RFTN1: variants seen among roughly 807,000 people sequenced by gnomAD.
The protein encoded by RFTN1 is raftlin, lipid raft linker 1.
A neutral mutation model predicts 46.5 loss-of-function variants in RFTN1; 26 were observed. That is an observed-to-expected ratio of 0.56 (90% CI 0.41 to 0.78). The LOEUF (loss-of-function observed/expected upper bound fraction) is 0.78. Among genes scored for constraint, RFTN1 ranks in the 30% least tolerant of loss-of-function variants. The pLI, the probability that RFTN1 is intolerant of heterozygous loss-of-function variation, is 0.00. For synonymous variants in RFTN1, 261 were observed against 284.2 expected (o/e 0.92, Z 0.82); for missense variants, 693 against 718.7 (o/e 0.96, Z 0.41).
rs1039643596 is a variant in RFTN1, at chr3:16,483,510, T to C, written c.145+10215A>G. On this transcript the variant is annotated intron_variant, in intron 2 of 9. Coordinates refer to ENST00000334133, the MANE Select transcript of RFTN1 (RefSeq NM_015150.2). This position sits in a 1 kb window ranked among gnomAD's most constrained non-coding sequence, Gnocchi z 4.8. Reference sequence around the variant, plus strand: ...CAGAACCAAACCACAACACCAAGACTGACTTAATGGGTCTGGTGTGCAGCT... The same window carrying C: ...CAGAACCAAACCACAACACCAAGACCGACTTAATGGGTCTGGTGTGCAGCT... Among the ~76,000 whole-genome samples, 1 of 152,220 alleles carries C rather than the reference T, an allele frequency of 6.6e-6. No individual in the cohort carries two copies. The highest frequency in any genetic ancestry group is 2.4e-5 in the African/African-American group (1 of 41,452).
intron 5 of RFTN1, 45 bp downstream of exon 5, chr3:16,377,673 G>A (rs1310339637): frequency 2.6e-6 from 4 of 1,530,362 alleles, no homozygotes; most frequent in African/African-American, 1.4e-5. Context: ...AAAGCTGTTA[G>A]CTGCTCTTTA....
intron 4 of RFTN1, among the ~76,000 whole-genome samples, chr3:16,388,777 C>A (rs2074274434): frequency 6.6e-6 from 1 of 152,146 alleles, no homozygotes; most frequent in Non-Finnish European, 1.5e-5. Flanking sequence ...CCTTGTTTCA[C>A]AAAGGCACTA....
intron 2 of RFTN1, chr3:16,482,696 A>AC: frequency 1.5e-6 from 2 of 1,339,684 alleles, no homozygotes; most frequent in South Asian, 2.5e-5. Context: ...CATGCATGCC[A>AC]CATTAGCTGT....
At chr3:16,462,250 AT>A (rs1233399600) in intron 2 of RFTN1, among the ~76,000 whole-genome samples, 1 of 152,144 alleles carries the variant, frequency 6.6e-6, no homozygotes, top group Non-Finnish European at 1.5e-5. Flanking sequence ...AATCCACATA[AT>A]GCACTTAGCA....
At chr3:16,331,094 A>G (rs2070260730) in intron 7 of RFTN1, among the ~76,000 whole-genome samples, 1 of 152,252 alleles carries the variant, frequency 6.6e-6, no homozygotes, top group Non-Finnish European at 1.5e-5. Context: ...GGTGTTCTCC[A>G]TACCTGAGAA....
At position 16,459,528 on chromosome 3, in the gene RFTN1, GGCTACA is replaced by G. The variant is rs2075972132; in HGVS notation, c.146-25497_146-25492del. Among the ~76,000 whole-genome samples the G allele has an allele frequency of 6.6e-6, 1 of 152,158 alleles. No homozygotes were observed. The highest frequency in any genetic ancestry group is 2.4e-5 in the African/African-American group (1 of 41,438). ...GCACTGCTTAAGCTCAGGAGTTCAA[GGCTACA>G]GTGAGCTGTGATCGTGCCACTGCAC... On this transcript the variant is annotated intron_variant, in intron 2 of 9. Coordinates refer to ENST00000334133, the MANE Select transcript of RFTN1 (RefSeq NM_015150.2). This position sits in a 1 kb window ranked among gnomAD's most constrained non-coding sequence, Gnocchi z 4.2.
Position 16,410,778 on chromosome 3 carries a change from C to T in RFTN1, c.333-1295G>A, listed in dbSNP as rs180742239. Among the ~76,000 whole-genome samples, 5 of 152,298 alleles carry T rather than the reference C, an allele frequency of 3.3e-5. No homozygotes were observed. The East Asian group carries it at 9.6e-4, about 29-fold the overall frequency. On this transcript the variant is annotated intron_variant, in intron 3 of 9. Transcript: ENST00000334133. This position sits in a 1 kb window ranked among gnomAD's most constrained non-coding sequence, Gnocchi z 4.6. Reference sequence around the variant, plus strand: ...CCACCACATAGACATCCCTGTGATACAGCACAGTTCAAAACTGCACCCATT... The same window carrying T: ...CCACCACATAGACATCCCTGTGATATAGCACAGTTCAAAACTGCACCCATT...
chr3:16,392,671 A>T (rs2074378997), intron 4 of RFTN1, among the ~76,000 whole-genome samples: 1 of 106,742 alleles, frequency 9.4e-6, no homozygotes, highest in Admixed American at 8.5e-5. Flanking sequence ...ATATGTACAC[A>T]CACACACACA....
intron 4 of RFTN1, among the ~76,000 whole-genome samples, chr3:16,389,039 A>C (rs1156649285): frequency 6.6e-6 from 1 of 152,242 alleles, no homozygotes; most frequent in Admixed American, 6.5e-5. Context: ...GAATTTAACC[A>C]GGAGCAGATG....
Position 16,489,324 on chromosome 3 carries a change from A to G in RFTN1, c.145+4401T>C, listed in dbSNP as rs954771644. On this transcript the variant is annotated intron_variant, in intron 2 of 9. Transcript: ENST00000334133. The surrounding 1 kb of genome is among the most constrained non-coding windows in gnomAD (Gnocchi z 4.0). Reference sequence around the variant, plus strand: ...TCCCAACTACTCGGCAGGCTGAGGCACAAGAATTATTTGAACCCAGGAGGT... The same window carrying G: ...TCCCAACTACTCGGCAGGCTGAGGCGCAAGAATTATTTGAACCCAGGAGGT... 3.3e-5 allele frequency among the ~76,000 whole-genome samples: 5 copies of G among 152,184 alleles called. No homozygotes were observed. The highest frequency in any genetic ancestry group is 2.6e-4 in the Admixed American group (4 of 15,286).
At position 16,460,386 on chromosome 3, in the gene RFTN1, C is replaced by A. The variant is rs2075987120; in HGVS notation, c.146-26349G>T. Among the ~76,000 whole-genome samples, 1 of 152,098 alleles carries A rather than the reference C, an allele frequency of 6.6e-6. No homozygotes were observed. The highest frequency in any genetic ancestry group is 2.1e-4 in the South Asian group (1 of 4,820). On this transcript the variant is annotated intron_variant, in intron 2 of 9. Coordinates refer to ENST00000334133, the MANE Select transcript of RFTN1 (RefSeq NM_015150.2). The surrounding 1 kb of genome is among the most constrained non-coding windows in gnomAD (Gnocchi z 4.8). ...AATAGGCTTATAAATAAATACACAG[C>A]CCACAGGAAAGACTTGAGGAGGTTC...
At position 16,410,208 on chromosome 3, in the gene RFTN1, G is replaced by GTT. The variant is rs1206779956; in HGVS notation, c.333-727_333-726dup. Among the ~76,000 whole-genome samples the GTT allele has an allele frequency of 7.8e-6, 1 of 128,346 alleles. No individual in the cohort carries two copies. The highest frequency in any genetic ancestry group is 3.1e-5 in the African/African-American group (1 of 31,994). The allele number at this position is 128,346 out of a possible 152,430, so 84.2% of individuals were successfully genotyped here. Reference sequence around the variant, plus strand: ...GGGTTTGGTACAATACAGCTTACATGTTATACACACACACACACACACACA... The same window carrying GTT: ...GGGTTTGGTACAATACAGCTTACATGTTTTATACACACACACACACACACACA... On this transcript the variant is annotated intron_variant, in intron 3 of 9. Coordinates refer to ENST00000334133, the MANE Select transcript of RFTN1 (RefSeq NM_015150.2). This position sits in a 1 kb window ranked among gnomAD's most constrained non-coding sequence, Gnocchi z 4.6.
Position 16,384,515 on chromosome 3 carries a change from T to G in RFTN1, c.442-6413A>C, listed in dbSNP as rs1378572061. On this transcript the variant is annotated intron_variant, in intron 4 of 9. Coordinates refer to ENST00000334133, the MANE Select transcript of RFTN1 (RefSeq NM_015150.2). This position sits in a 1 kb window ranked among gnomAD's most constrained non-coding sequence, Gnocchi z 4.7. ...GCAGGGAGGCTTTCAGCCATCACTG[T>G]TGCCCAGGTAAAGGAAATTTCCCCC... is the stretch of plus-strand genomic sequence containing the variant. 1.3e-5 allele frequency among the ~76,000 whole-genome samples: 2 copies of G among 152,214 alleles called. No individual in the cohort carries two copies. Among genetic ancestry groups the G allele is most frequent in the Non-Finnish European group, 2.9e-5 (2 of 68,036 alleles).
At chr3:16,378,477 C>G (rs1013025740) in intron 4 of RFTN1, among the ~76,000 whole-genome samples, 2 of 152,068 alleles carry the variant, frequency 1.3e-5, no homozygotes, top group Non-Finnish European at 1.5e-5. Context: ...TTTTTTTTGT[C>G]ACTTTTTTTC....
rs1468887952 is a variant in RFTN1 at position 16,481,235 on chromosome 3, G to T, written c.145+12490C>A. ...ACTAACGCTAATAGCAGACTTGGTC[G>T]CAACATCAAAAGCAACAATACCAAA... On this transcript the variant is annotated intron_variant, in intron 2 of 9. Coordinates refer to ENST00000334133, the MANE Select transcript of RFTN1 (RefSeq NM_015150.2). The surrounding 1 kb of genome is among the most constrained non-coding windows in gnomAD (Gnocchi z 5.1). Among the ~76,000 whole-genome samples, 1 of 152,086 alleles carries T rather than the reference G, an allele frequency of 6.6e-6. No individual in the cohort carries two copies. Among genetic ancestry groups the T allele is most frequent in the Non-Finnish European group, 1.5e-5 (1 of 68,038 alleles).
chr3:16,397,834 C>T (rs76653164), intron 4 of RFTN1, among the ~76,000 whole-genome samples: 1,616 of 151,982 alleles, frequency 0.011, 35 homozygotes, highest in African/African-American at 0.037. Flanking sequence ...AAAAATAGAG[C>T]GGTATTTGGA....
rs2073967090 is a variant in RFTN1, at chr3:16,380,864, G to C, written c.442-2762C>G. ...CTCAATAAATATCTGTTGAATGAAT[G>C]AATATATTAAATAATGGATGAATAT... On this transcript the variant is annotated intron_variant, in intron 4 of 9. Coordinates refer to ENST00000334133, the MANE Select transcript of RFTN1 (RefSeq NM_015150.2). This position sits in a 1 kb window ranked among gnomAD's most constrained non-coding sequence, Gnocchi z 4.8. Among the ~76,000 whole-genome samples the C allele has an allele frequency of 6.6e-6, 1 of 152,184 alleles. No individual in the cohort carries two copies. Among genetic ancestry groups the C allele is most frequent in the Admixed American group, 6.5e-5 (1 of 15,288 alleles).
Position 16,485,141 on chromosome 3 carries a change from C to T in RFTN1, c.145+8584G>A, listed in dbSNP as rs2076426638. Among the ~76,000 whole-genome samples the T allele has an allele frequency of 2.0e-5, 3 of 152,212 alleles. No homozygotes were observed. In the South Asian group the frequency reaches 6.2e-4, roughly 32 times the overall value. On this transcript the variant is annotated intron_variant, in intron 2 of 9. Coordinates refer to ENST00000334133, the MANE Select transcript of RFTN1 (RefSeq NM_015150.2). ...ATTTCCCCAACAGAAGTGAAAACAT[C>T]CACACAAAACACTTGTTCGTGGATA... is the stretch of plus-strand genomic sequence containing the variant.
intron 2 of RFTN1, chr3:16,434,634 T>C (rs1385224252): frequency 1.3e-5 from 2 of 151,338 alleles, no homozygotes; most frequent in African/African-American, 4.9e-5. Context: ...GAAAAAGTCA[T>C]TTCCACCCTC....
Sources: allele counts gnomAD v4.1 joint callset (sites outside exome capture counted in the v4.1 genomes callset), GRCh38; gene constraint gnomAD v4.1.1; non-coding constraint Gnocchi (gnomAD v3.1); transcripts MANE v1.5; gene names NCBI Gene and HGNC (gene_info 2026-07-23, HGNC 2026-07-21).